Variants in MARCHF3 observed in about 807,000 individuals in gnomAD.
MARCHF3 encodes the protein membrane associated ring-CH-type finger 3, also known as E3 ubiquitin-protein ligase MARCHF3.
In MARCHF3, 13 loss-of-function variants were observed where a neutral mutation model predicts 24.2. The observed-to-expected ratio is 0.54, with a 90% CI of 0.35 to 0.85. The LOEUF is 0.85. MARCHF3 is among the 40% of genes least tolerant of loss of function. The pLI is 0.01. For synonymous variants in MARCHF3, 144 were observed against 137.3 expected, an observed-to-expected ratio of 1.05 and a Z score of -0.34; for missense variants, 276 against 325.0, an observed-to-expected ratio of 0.85 and a Z score of 1.16.
rs1021880617 is a variant in MARCHF3, at chr5:126,901,419, T to C, written c.393+13511A>G. Among the ~76,000 whole-genome samples the C allele has an allele frequency of 2.6e-4, 39 of 152,072 alleles. 1 individual carries two copies. Among genetic ancestry groups the C allele is most frequent in the Admixed American group, 4.6e-4 (7 of 15,228 alleles). On this transcript the variant is annotated intron_variant, in intron 3 of 4. Transcript: ENST00000308660. ...CAAGATCTGTGCCTATTCTGGAAAGTAAAATTCTTTGCACAAACAGGCATA... is the reference window on the plus strand; with the variant it reads ...CAAGATCTGTGCCTATTCTGGAAAGCAAAATTCTTTGCACAAACAGGCATA...
At chr5:127,009,274 A>G (rs1561471301) in intron 1 of MARCHF3, among the ~76,000 whole-genome samples, 2 of 152,204 alleles carry the variant, frequency 1.3e-5, no homozygotes, top group Non-Finnish European at 2.9e-5. Flanking sequence ...TGTTTGAGAA[A>G]ATGTAGGTGT....
chr5:126,915,959 C>A (rs1344698295), intron 2 of MARCHF3, among the ~76,000 whole-genome samples: 1 of 152,178 alleles, frequency 6.6e-6, no homozygotes, highest in East Asian at 1.9e-4. Flanking sequence ...GTCCTTATCT[C>A]TAAAATGGGC....
chr5:126,901,641 A>C (rs879867066), intron 3 of MARCHF3, among the ~76,000 whole-genome samples: 20 of 152,130 alleles, frequency 1.3e-4, no homozygotes, highest in African/African-American at 4.6e-4. Context: ...TCAGTTGTTG[A>C]CACTTAAAAC....
chr5:126,979,948 C>CAAAAAAAAAAAAA (rs757849978), intron 1 of MARCHF3, among the ~76,000 whole-genome samples: 3 of 44,916 alleles, frequency 6.7e-5, no homozygotes, highest in Non-Finnish European at 9.6e-5. Context: ...AACTCCATCT[C>CAAAAAAAAAAAAA]AAAAAAAAAA....
chr5:127,016,493 A>G (rs577268937), intron 1 of MARCHF3, among the ~76,000 whole-genome samples: 3 of 152,396 alleles, frequency 2.0e-5, no homozygotes, highest in African/African-American at 7.2e-5. Flanking sequence ...TATGTAGCCA[A>G]CAGACACATG....
chr5:127,012,165 C>T (rs1455258064), intron 1 of MARCHF3, among the ~76,000 whole-genome samples: 5 of 152,210 alleles, frequency 3.3e-5, no homozygotes, highest in Non-Finnish European at 2.9e-5. Context: ...TTGATGCTCA[C>T]ACATGGGAAA....
rs1754106971 is a variant in MARCHF3, at chr5:126,901,519, G to C, written c.393+13411C>G. On this transcript the variant is annotated intron_variant, in intron 3 of 4. Transcript: ENST00000308660. ...TGAAGATACTTCTCTCTGCTCACTC[G>C]TTTACAACTGATTGTTAGGCAGTGT... Among the ~76,000 whole-genome samples, 3 of 152,086 alleles carry C rather than the reference G, an allele frequency of 2.0e-5. No homozygotes were observed. In the South Asian group the frequency reaches 6.2e-4, roughly 32 times the overall value.
rs1752893197 is a variant in MARCHF3 at position 126,869,582 on chromosome 5, C to CTGTTTTT, written c.*1050_*1051insAAAAACA. On this transcript the variant is annotated 3_prime_UTR_variant, in exon 5 of 5. Transcript: ENST00000308660. ...ATAAGTGCAGGGCTGCTAGGACAGG[C>CTGTTTTT]TTTTTTTTTTTTTTTTTTTTTTGCC... 1 of 79,830 alleles carries CTGTTTTT rather than the reference C, an allele frequency of 1.3e-5. No homozygotes were observed. Among genetic ancestry groups the CTGTTTTT allele is most frequent in the African/African-American group, 5.3e-5 (1 of 18,756 alleles). 4.9% of individuals were successfully genotyped at this position (79,830 alleles called of 1,614,324 possible).
intron 1 of MARCHF3, among the ~76,000 whole-genome samples, chr5:126,948,997 T>G (rs2126814380): frequency 6.6e-6 from 1 of 151,990 alleles, no homozygotes; most frequent in South Asian, 2.1e-4. Context: ...ATATTTACCA[T>G]CAAGAAAAAA....
chr5:126,980,575 T>C (rs1025732906), intron 1 of MARCHF3, among the ~76,000 whole-genome samples: 1 of 152,134 alleles, frequency 6.6e-6, no homozygotes, highest in Non-Finnish European at 1.5e-5. Context: ...TTCACCATAT[T>C]GGCCAGGATC....
intron 3 of MARCHF3, among the ~76,000 whole-genome samples, chr5:126,893,131 T>C (rs1753755823): frequency 6.6e-6 from 1 of 152,062 alleles, no homozygotes; most frequent in Non-Finnish European, 1.5e-5. Flanking sequence ...GGATCGGTGG[T>C]GATATCCCCT....
chr5:126,954,153 C>G (rs892064737), intron 1 of MARCHF3, among the ~76,000 whole-genome samples: 1 of 151,862 alleles, frequency 6.6e-6, no homozygotes, highest in Admixed American at 6.6e-5. Flanking sequence ...CTGCCTCACC[C>G]TCCCGAGTAG....
At chr5:126,892,771 C>T (rs2126776812) in intron 3 of MARCHF3, among the ~76,000 whole-genome samples, 1 of 145,672 alleles carries the variant, frequency 6.9e-6, no homozygotes, top group Middle Eastern at 3.4e-3. Flanking sequence ...ATGTCTCTGC[C>T]TGGCTTTCGT....
chr5:126,971,443 T>C lies in MARCHF3; in HGVS notation c.-56-53216A>G, dbSNP rs1404585440. Among the ~76,000 whole-genome samples, 25 of 112,858 alleles carry C rather than the reference T, an allele frequency of 2.2e-4. 1 individual carries two copies. Among genetic ancestry groups the C allele is most frequent in the Non-Finnish European group, 1.1e-4 (6 of 56,748 alleles). 74.0% of individuals were successfully genotyped at this position (112,858 alleles called of 152,430 possible). ...CAGCCTGGGTGACAGAGCGAGACTC[T>C]GTCTCAAAAAAAAAAAAAAAAAAAG... On this transcript the variant is annotated intron_variant, in intron 1 of 4. Transcript: ENST00000308660.
At chr5:127,001,623 G>A (rs1270344664) in intron 1 of MARCHF3, among the ~76,000 whole-genome samples, 1 of 152,112 alleles carries the variant, frequency 6.6e-6, no homozygotes, top group Non-Finnish European at 1.5e-5. Flanking sequence ...CTGCCACCTT[G>A]AAATCATATA....
chr5:126,967,518 C>A (rs1447567167), intron 1 of MARCHF3, among the ~76,000 whole-genome samples: 1 of 152,094 alleles, frequency 6.6e-6, no homozygotes, highest in Non-Finnish European at 1.5e-5. Flanking sequence ...CATGGTGAAA[C>A]CCCATCTCTA....
intron 1 of MARCHF3, among the ~76,000 whole-genome samples, chr5:126,950,584 C>A (rs142150480): frequency 5.1e-4 from 77 of 152,264 alleles, no homozygotes; most frequent in Non-Finnish European, 9.7e-4. Context: ...CCACTGGGTT[C>A]TTCTTTTCCC....
intron 1 of MARCHF3, among the ~76,000 whole-genome samples, chr5:127,010,434 C>A (rs1480127760): frequency 6.6e-6 from 1 of 152,172 alleles, no homozygotes; most frequent in African/African-American, 2.4e-5. Flanking sequence ...TGAGCTAACC[C>A]TACATGGCCC....
intron 3 of MARCHF3, among the ~76,000 whole-genome samples, chr5:126,908,746 C>T (rs1190828929): frequency 6.6e-6 from 1 of 150,548 alleles, no homozygotes; most frequent in Non-Finnish European, 1.5e-5. Flanking sequence ...AAGTTTTCAA[C>T]TTCTTTGCCT....
Sources: gnomAD v4.1 joint callset for allele counts (sites outside exome capture counted in the v4.1 genomes callset) on GRCh38, gnomAD v4.1.1 for gene constraint, MANE v1.5 for transcripts, NCBI Gene and HGNC (gene_info 2026-07-23, HGNC 2026-07-21) for gene names.